MYO16: variants seen among roughly 807,000 people sequenced by gnomAD.
MYO16 encodes the protein myosin XVI.
In MYO16, 94 loss-of-function variants were observed where a neutral mutation model predicts 205.3. The observed-to-expected ratio is 0.46, with a 90% confidence interval of 0.39 to 0.54. MYO16 has a LOEUF of 0.54. MYO16 is among the 20% of genes least tolerant of loss of function. MYO16 has a pLI of 0.00. For missense variants in MYO16, 2,315 were observed against 2,387.5 expected (o/e 0.97, Z 0.63); for synonymous variants, 988 against 954.0 (o/e 1.04, Z -0.66).
At position 109,141,719 on chromosome 13, in the gene MYO16, A is replaced by G. The variant is rs1877108506; in HGVS notation, c.5164+343A>G. 6.6e-6 allele frequency among the ~76,000 whole-genome samples: 1 copy of G among 152,190 alleles called. No individual in the cohort carries two copies. The highest frequency in any genetic ancestry group is 2.1e-4 in the South Asian group (1 of 4,830). On this transcript the variant is annotated intron_variant, in intron 32 of 34. Coordinates refer to ENST00000457511, the MANE Select transcript of MYO16 (RefSeq NM_001198950.3). This position sits in a 1 kb window ranked among gnomAD's most constrained non-coding sequence, Gnocchi z 4.1. ...TTTTTTAAAAAAATATTTTTTCCTT[A>G]TAACGTGAAAGTGGTATTTTGTGTA...
chr13:108,640,750 A>G (rs1032957782), intron 1 of MYO16, among the ~76,000 whole-genome samples: 3 of 152,204 alleles, frequency 2.0e-5, no homozygotes, highest in African/African-American at 7.2e-5. Context: ...AACTTTTGGC[A>G]TCCTACAATG....
intron 20 of MYO16, among the ~76,000 whole-genome samples, chr13:108,988,873 G>A (rs776004506): frequency 6.6e-6 from 1 of 152,118 alleles, no homozygotes; most frequent in Non-Finnish European, 1.5e-5. Context: ...ACCAGCACCC[G>A]GCCTTCAGGG....
At chr13:109,017,023 A>G (rs1566462874) in intron 22 of MYO16, among the ~76,000 whole-genome samples, 1 of 152,066 alleles carries the variant, frequency 6.6e-6, no homozygotes, top group Non-Finnish European at 1.5e-5. Context: ...TTAGCTGGTT[A>G]TTTTGCCCAT....
chr13:108,518,724 TA>T, the MYO16 span, among the ~76,000 whole-genome samples: 31 of 152,120 alleles, frequency 2.0e-4, no homozygotes, highest in East Asian at 4.1e-3. Context: ...GACAGATATT[TA>T]AAAAAAATGT....
At chr13:108,947,246 C>A (rs1882972809) in intron 16 of MYO16, among the ~76,000 whole-genome samples, 1 of 152,174 alleles carries the variant, frequency 6.6e-6, no homozygotes, top group Admixed American at 6.5e-5. Flanking sequence ...GTGGACATGG[C>A]CTTACACATG....
chr13:108,817,183 T>A (rs1311292520), intron 7 of MYO16, among the ~76,000 whole-genome samples: 1 of 152,190 alleles, frequency 6.6e-6, no homozygotes, highest in East Asian at 1.9e-4. Flanking sequence ...CAGAATTCTA[T>A]TTTAGAATGT....
intron 16 of MYO16, among the ~76,000 whole-genome samples, chr13:108,941,656 G>A (rs149869911): frequency 0.011 from 1,428 of 127,178 alleles, 12 homozygotes; most frequent in Middle Eastern, 0.017. Flanking sequence ...CAGCCTAGGC[G>A]ACAGAGCAAG....
intron 31 of MYO16, among the ~76,000 whole-genome samples, chr13:109,132,132 G>A (rs2139786820): frequency 6.6e-6 from 1 of 152,318 alleles, no homozygotes; most frequent in Admixed American, 6.5e-5. Context: ...TAAGATGTGG[G>A]ACTTGCAATT....
At chr13:109,105,872 A>T (rs1011157379) in intron 28 of MYO16, among the ~76,000 whole-genome samples, 1 of 152,242 alleles carries the variant, frequency 6.6e-6, no homozygotes, top group Admixed American at 6.5e-5. Flanking sequence ...TTTCCTTAAC[A>T]TACTCAAAAT....
At chr13:108,694,697 C>T (rs549658293) in intron 2 of MYO16, among the ~76,000 whole-genome samples, 1 of 152,190 alleles carries the variant, frequency 6.6e-6, no homozygotes, top group African/African-American at 2.4e-5. Flanking sequence ...CTTTAATGCA[C>T]ATTTTTTAAA....
chr13:108,862,461 A>C (rs562990785), intron 11 of MYO16, among the ~76,000 whole-genome samples: 2 of 152,274 alleles, frequency 1.3e-5, no homozygotes, highest in South Asian at 4.1e-4. Context: ...ATTGTGAAGG[A>C]GGAGGATCCA....
At chr13:108,546,252 C>G in the MYO16 span, among the ~76,000 whole-genome samples, 1 of 152,100 alleles carries the variant, frequency 6.6e-6, no homozygotes, top group African/African-American at 2.4e-5. Context: ...GCCAGAGGCC[C>G]TTAGGGTTGC....
At chr13:108,878,463 C>T (rs910113020) in intron 12 of MYO16, among the ~76,000 whole-genome samples, 1 of 152,176 alleles carries the variant, frequency 6.6e-6, no homozygotes, top group African/African-American at 2.4e-5. Flanking sequence ...GCTCCCCATC[C>T]ATCCCACTGA....
rs548072684 is a variant in MYO16 at position 108,886,687 on chromosome 13, C to G, written c.1554-1685C>G. On this transcript the variant is annotated intron_variant, in intron 13 of 34. Transcript: ENST00000457511. Reference sequence around the variant, plus strand: ...TGTGCTAAGGAACGGACTCTTCCACCGCAGGCTTGTTTAGGCAAAGCCCCC... The same window carrying G: ...TGTGCTAAGGAACGGACTCTTCCACGGCAGGCTTGTTTAGGCAAAGCCCCC... Among the ~76,000 whole-genome samples the G allele has an allele frequency of 1.2e-3, 153 of 129,848 alleles. 1 individual carries two copies. Among genetic ancestry groups the G allele is most frequent in the Non-Finnish European group, 2.3e-3 (132 of 58,230 alleles). 85.2% of individuals were successfully genotyped at this position (129,848 alleles called of 152,430 possible). A position where few individuals can be genotyped will look rare whatever the true frequency, so the allele number is the denominator to read the frequency against.
chr13:108,881,347 C>T (rs547827527), intron 12 of MYO16, among the ~76,000 whole-genome samples: 3 of 152,136 alleles, frequency 2.0e-5, no homozygotes, highest in East Asian at 1.9e-4. Context: ...GAAACCAGAG[C>T]AGAAAAGCTG....
At chr13:108,734,348 CCTT>C (rs1477343661) in intron 4 of MYO16, among the ~76,000 whole-genome samples, 4 of 152,086 alleles carry the variant, frequency 2.6e-5, no homozygotes, top group Non-Finnish European at 5.9e-5. Context: ...ATTTACCATC[CCTT>C]CTTCTCTAGA....
At chr13:108,631,852 C>T (rs576595446) in intron 1 of MYO16, among the ~76,000 whole-genome samples, 5 of 152,146 alleles carry the variant, frequency 3.3e-5, no homozygotes, top group African/African-American at 7.2e-5. Context: ...CCAAAGCAGG[C>T]GGATCACCTG....
intron 4 of MYO16, among the ~76,000 whole-genome samples, chr13:108,755,643 C>G (rs550197917): frequency 9.2e-5 from 14 of 151,584 alleles, no homozygotes; most frequent in African/African-American, 3.4e-4. Flanking sequence ...TGTAGTGACA[C>G]TATATTTAAC....
At chr13:108,899,162 G>A (rs757413333) in intron 15 of MYO16, among the ~76,000 whole-genome samples, 5 of 152,148 alleles carry the variant, frequency 3.3e-5, no homozygotes, top group African/African-American at 7.2e-5. Flanking sequence ...AGTGGCTCAC[G>A]CCTGAAATCC....
Sources: allele counts gnomAD v4.1 joint callset (sites outside exome capture counted in the v4.1 genomes callset), GRCh38; gene constraint gnomAD v4.1.1; non-coding constraint Gnocchi (gnomAD v3.1); transcripts MANE v1.5; gene names NCBI Gene and HGNC (gene_info 2026-07-23, HGNC 2026-07-21).